CEP350: variants seen among roughly 807,000 people sequenced by gnomAD.
CEP350 encodes the protein centrosomal protein 350.
Under a neutral mutation model 331.8 loss-of-function variants are expected in CEP350, and 126 were observed. The observed-to-expected ratio is 0.38, with a 90% confidence interval of 0.33 to 0.44. The LOEUF is 0.44. Among genes scored for constraint, CEP350 ranks in the 20% least tolerant of loss-of-function variants. CEP350 has a pLI of 1.00. For synonymous variants in CEP350, 1,200 were observed against 1,259.5 expected (o/e 0.95, Z 1.00); for missense variants, 3,406 against 3,634.6 (o/e 0.94, Z 1.62).
intron 4 of CEP350, among the ~76,000 whole-genome samples, chr1:179,991,375 G>A (rs1356705270): frequency 3.5e-5 from 5 of 140,982 alleles, no homozygotes; most frequent in African/African-American, 1.3e-4. Context: ...GAAGTGCAGT[G>A]GCATGATCTC....
chr1:179,995,984 T>C (rs1653430122), intron 5 of CEP350, among the ~76,000 whole-genome samples: 1 of 152,234 alleles, frequency 6.6e-6, no homozygotes, highest in Admixed American at 6.5e-5. Flanking sequence ...TAAGATTTTA[T>C]AGAGTAGCAA....
At chr1:179,959,845 T>A (rs1650456815) in intron 1 of CEP350, among the ~76,000 whole-genome samples, 1 of 152,190 alleles carries the variant, frequency 6.6e-6, no homozygotes, top group Non-Finnish European at 1.5e-5. Context: ...CTCCTAGCTT[T>A]GTAGCCTTAA....
At chr1:180,108,891 A>G (rs891823403) in intron 37 of CEP350, among the ~76,000 whole-genome samples, 2 of 152,206 alleles carry the variant, frequency 1.3e-5, no homozygotes, top group East Asian at 3.8e-4. Flanking sequence ...ACATTAGGGA[A>G]CAGAGGAATA....
intron 1 of CEP350, among the ~76,000 whole-genome samples, chr1:179,977,407 G>T (rs1342506422): frequency 1.3e-5 from 2 of 152,192 alleles, no homozygotes; most frequent in Admixed American, 1.3e-4. Flanking sequence ...TAAATACTGA[G>T]TTCAGGCTAG....
At position 180,093,441 on chromosome 1, in the gene CEP350, A is replaced by G. The variant is rs914971244; in HGVS notation, c.7336A>G (p.Ile2446Val). 1.1e-5 allele frequency: 17 copies of G among 1,602,870 alleles called. No homozygotes were observed. The highest frequency in any genetic ancestry group is 1.3e-5 in the African/African-American group (1 of 74,928). Residue 2446 changes from isoleucine (I) to valine (V), a missense_variant, in exon 34 of 38, where the codon ATC (isoleucine) becomes GTC (valine). By Grantham distance (29) the Ile-to-Val change is conservative. This residue lies in a region of CEP350 where 1,415 missense variants were observed against 1,512.3 expected (regional missense o/e 0.94). Transcript: ENST00000367607. ...SECLSEKSLS[I>V]HSNVHSDRLL... ...GTGCCTAAGTGAGAAAAGCCTTTCT[A>G]TCCATAGCAATGTTCATTCTGACAG... is the stretch of plus-strand genomic sequence containing the variant.
chr1:180,037,950 A>C (rs1203453619), intron 17 of CEP350, among the ~76,000 whole-genome samples: 2 of 152,220 alleles, frequency 1.3e-5, no homozygotes, highest in East Asian at 3.9e-4. Context: ...CGCCTGGCCC[A>C]GTTTTGGTGA....
intron 23 of CEP350, among the ~76,000 whole-genome samples, 187 bp from the exon 24 acceptor site, chr1:180,053,563 T>C (rs1657636875): frequency 6.6e-6 from 1 of 152,248 alleles, no homozygotes; most frequent in South Asian, 2.1e-4. Flanking sequence ...ATTAAAATTT[T>C]ATTGGCTGAA....
rs1659495521 is a variant in CEP350, at chr1:180,080,430, T to C, written c.5980-87T>C. ...TATCTTAAATTCTTTGTAAATGTTA[T>C]CTTTATATGGCTAGTATGTCAAATT... On this transcript the variant is annotated intron_variant, in intron 29 of 37. Coordinates refer to ENST00000367607, the MANE Select transcript of CEP350 (RefSeq NM_014810.5). 2.6e-6 allele frequency: 3 copies of C among 1,155,936 alleles called. No homozygotes were observed. The Admixed American group carries it at 6.5e-5, about 25-fold the overall frequency. 71.6% of individuals were successfully genotyped at this position (1,155,936 alleles called of 1,614,324 possible).
Position 179,997,025 on chromosome 1 carries a change from AG to A in CEP350, c.869del (p.Arg290LysfsTer24). 4 of 1,614,102 alleles carry A rather than the reference AG, an allele frequency of 2.5e-6. No homozygotes were observed. Among genetic ancestry groups the A allele is most frequent in the Non-Finnish European group, 3.4e-6 (4 of 1,179,906 alleles). ...ACTGGAAAAACTTAAGGAACGGATT[AG>A]AAAACAGTGGGAACACTCAGAAGAA... is the stretch of plus-strand genomic sequence containing the variant. ...VKLEKLKERI[R>X]KQWEHSEETN... On this transcript the variant is annotated frameshift_variant, in exon 6 of 38. Coordinates refer to ENST00000367607, the MANE Select transcript of CEP350 (RefSeq NM_014810.5). LOFTEE classifies it high-confidence loss of function.
At position 180,020,435 on chromosome 1, in the gene CEP350, T is replaced by A. The variant is rs1392817170; in HGVS notation, c.2661T>A (p.Asp887Glu). 1 of 1,613,948 alleles carries A rather than the reference T, an allele frequency of 6.2e-7. No homozygotes were observed. Among genetic ancestry groups the A allele is most frequent in the East Asian group, 2.2e-5 (1 of 44,886 alleles). Reference protein sequence around the residue: ...VTPPVKDDNEDVFSARIQKML... With the variant: ...VTPPVKDDNEEVFSARIQKML... ...CACCTGTGAAAGATGATAATGAAGA[T>A]GTTTTCTCTGCCAGAATTCAGAAGA... Residue 887 changes from aspartate to glutamate, a missense_variant, in exon 12 of 38, where the codon GAT (aspartate) becomes GAA (glutamate). Transcript: ENST00000367607.
intron 11 of CEP350, among the ~76,000 whole-genome samples, chr1:180,017,252 T>A (rs1156464948): frequency 6.6e-6 from 1 of 152,222 alleles, no homozygotes; most frequent in Non-Finnish European, 1.5e-5. Context: ...CTCTACATAC[T>A]ACTCCCCAAA....
intron 37 of CEP350, among the ~76,000 whole-genome samples, chr1:180,106,684 G>A (rs1410002073): frequency 2.0e-5 from 3 of 151,966 alleles, no homozygotes; most frequent in Non-Finnish European, 2.9e-5. Flanking sequence ...CTCCTGCCTC[G>A]GTCTTCCAAA....
chr1:180,035,187 A>G (rs891690651), intron 16 of CEP350, among the ~76,000 whole-genome samples: 5 of 152,206 alleles, frequency 3.3e-5, no homozygotes, highest in African/African-American at 1.2e-4. Context: ...GTGAAGCCCT[A>G]GAGAGGTGAG....
Position 180,096,138 on chromosome 1 carries a change from G to A in CEP350, c.9020G>A (p.Ser3007Asn). 11 of 1,569,522 alleles carry A rather than the reference G, an allele frequency of 7.0e-6. No homozygotes were observed. Among genetic ancestry groups the A allele is most frequent in the Non-Finnish European group, 9.5e-6 (11 of 1,155,198 alleles). The change falls in exon 36 of 38, where the codon AGT becomes AAT. Residue 3007 changes from serine (S) to asparagine (N), a missense_variant. Ser to Asn is a conservative substitution (Grantham distance 46). This residue lies in a region of CEP350 where 1,415 missense variants were observed against 1,512.3 expected (regional missense o/e 0.94). Transcript: ENST00000367607. ...VWMKPCRINS[S>N]YFRRVKNPNN... ...ATGAAGCCATGTAGAATCAACTCTAGTTATTTCCGACGAGTGAAAAATCCA... is the reference window on the plus strand; with the variant it reads ...ATGAAGCCATGTAGAATCAACTCTAATTATTTCCGACGAGTGAAAAATCCA...
At chr1:179,972,544 A>G (rs1365763524) in intron 1 of CEP350, among the ~76,000 whole-genome samples, 1 of 152,024 alleles carries the variant, frequency 6.6e-6, no homozygotes, top group Non-Finnish European at 1.5e-5. Flanking sequence ...TTGCTCTGTC[A>G]CCCAGGCTGG....
chr1:180,057,191 C>T (rs981538945), intron 25 of CEP350, among the ~76,000 whole-genome samples: 1 of 151,378 alleles, frequency 6.6e-6, no homozygotes, highest in African/African-American at 2.4e-5. Flanking sequence ...CCCTGCCTCT[C>T]GGGTACAAGT....
At chr1:180,078,133 T>TAA (rs111944313) in intron 28 of CEP350, among the ~76,000 whole-genome samples, 1 of 143,030 alleles carries the variant, frequency 7.0e-6, no homozygotes, top group Non-Finnish European at 1.5e-5. Context: ...GATGCCATCT[T>TAA]AAAAAAAAAA....
rs1176973075 is a variant in CEP350 at position 180,022,750 on chromosome 1, C to T, written c.3288C>T (p.Ala1096=). The change falls in exon 13 of 38, where the codon GCC becomes GCT. Residue 1096 remains alanine, a synonymous_variant. Transcript: ENST00000367607. ...RGTSTSRPLN[A]TATPLSGVSY... ...CATCAACATCACGGCCTTTGAATGC[C>T]ACCGCAACTCCTCTAAGTGGTGTTT... 6.2e-7 allele frequency: 1 copy of T among 1,611,660 alleles called. No homozygotes were observed. Among genetic ancestry groups the T allele is most frequent in the Admixed American group, 1.7e-5 (1 of 59,648 alleles).
intron 7 of CEP350, among the ~76,000 whole-genome samples, chr1:180,003,550 T>A (rs1654010570): frequency 6.6e-6 from 1 of 152,176 alleles, no homozygotes; most frequent in Non-Finnish European, 1.5e-5. Context: ...ACTGCCTGAT[T>A]TGAAGGAAAC....
Sources: gnomAD v4.1 joint callset for allele counts (sites outside exome capture counted in the v4.1 genomes callset) on GRCh38, gnomAD v4.1.1 for gene constraint, gnomAD v4.1.1 regional missense constraint, MANE v1.5 for transcripts, NCBI Gene and HGNC (gene_info 2026-07-23, HGNC 2026-07-21) for gene names.